The following AFG2A variants were observed in gnomAD, a reference collection of about 807,000 sequenced individuals.
AFG2A encodes AAA ATPase AFG2A.
chr4:123,147,879 G>A, the AFG2A span, among the ~76,000 whole-genome samples: 9 of 152,006 alleles, frequency 5.9e-5, no homozygotes, highest in East Asian at 7.7e-4. Flanking sequence ...CAGAAGAAAC[G>A]TAATACTTAG....
At chr4:123,188,265 G>T in the AFG2A span, among the ~76,000 whole-genome samples, 1 of 151,970 alleles carries the variant, frequency 6.6e-6, no homozygotes, top group Non-Finnish European at 1.5e-5. Flanking sequence ...ATTTATTGTA[G>T]TGATTTTTTC....
At chr4:123,139,263 T>C in the AFG2A span, among the ~76,000 whole-genome samples, 1 of 152,156 alleles carries the variant, frequency 6.6e-6, no homozygotes, top group Non-Finnish European at 1.5e-5. Flanking sequence ...ACTGTCTTGT[T>C]CTTAATGAAC....
the AFG2A span, among the ~76,000 whole-genome samples, chr4:123,289,767 C>A: frequency 6.7e-6 from 1 of 149,492 alleles, no homozygotes; most frequent in South Asian, 2.1e-4. Flanking sequence ...ATTTGGAGTT[C>A]TCTGATGAAT....
chr4:123,228,610 G>T, the AFG2A span, among the ~76,000 whole-genome samples: 1 of 151,932 alleles, frequency 6.6e-6, no homozygotes, highest in Non-Finnish European at 1.5e-5. Context: ...AAATTATGCT[G>T]ATTATTTTAA....
the AFG2A span, among the ~76,000 whole-genome samples, chr4:123,279,694 T>C: frequency 2.0e-5 from 3 of 152,264 alleles, no homozygotes; most frequent in Admixed American, 1.3e-4. Context: ...ACTAATCCAA[T>C]TTTTCAGTTC....
At chr4:123,040,444 G>C in the AFG2A span, among the ~76,000 whole-genome samples, 6 of 152,238 alleles carry the variant, frequency 3.9e-5, no homozygotes, top group South Asian at 1.0e-3. Flanking sequence ...TTTTTAAAGG[G>C]ATATTAACAA....
At chr4:122,932,527 C>A in the AFG2A span, among the ~76,000 whole-genome samples, 1 of 152,102 alleles carries the variant, frequency 6.6e-6, no homozygotes, top group East Asian at 1.9e-4. Context: ...GCTAAACTGT[C>A]CCCCCTCCAC....
At chr4:123,156,771 A>G in the AFG2A span, among the ~76,000 whole-genome samples, 7 of 151,120 alleles carry the variant, frequency 4.6e-5, no homozygotes, top group Admixed American at 2.6e-4. Context: ...AAAAAAAAAA[A>G]AAAAAGAAAA....
the AFG2A span, among the ~76,000 whole-genome samples, chr4:123,116,689 T>G: frequency 6.6e-6 from 1 of 152,224 alleles, no homozygotes; most frequent in Non-Finnish European, 1.5e-5. Flanking sequence ...TTTGTTTGAA[T>G]TACTAATAAG....
the AFG2A span, chr4:123,255,920 T>G: frequency 2.1e-6 from 3 of 1,399,232 alleles, no homozygotes; most frequent in Non-Finnish European, 2.9e-6. Flanking sequence ...AATAGTGGAT[T>G]GTTCGTGAAA....
the AFG2A span, among the ~76,000 whole-genome samples, chr4:123,180,978 C>CTTTTTTTTTTTT: frequency 3.4e-5 from 4 of 118,364 alleles, no homozygotes; most frequent in African/African-American, 3.0e-5. Context: ...TCCTCCCCCT[C>CTTTTTTTTTTTT]TTTTTTTTTT....
chr4:123,085,994 T>C, the AFG2A span, among the ~76,000 whole-genome samples: 1 of 152,138 alleles, frequency 6.6e-6, no homozygotes, highest in South Asian at 2.1e-4. Flanking sequence ...ATCCTTCTCA[T>C]GTCCCTTGTA....
At chr4:123,043,240 A>C in the AFG2A span, among the ~76,000 whole-genome samples, 1 of 152,214 alleles carries the variant, frequency 6.6e-6, no homozygotes, top group Non-Finnish European at 1.5e-5. Context: ...TTCTTTGCTT[A>C]CAGATATATA....
At chr4:123,200,925 A>C in the AFG2A span, among the ~76,000 whole-genome samples, 1 of 152,224 alleles carries the variant, frequency 6.6e-6, no homozygotes, top group Non-Finnish European at 1.5e-5. Context: ...CTACCTTCAA[A>C]GTAAAGCGTT....
the AFG2A span, among the ~76,000 whole-genome samples, chr4:123,002,333 T>C: frequency 6.6e-6 from 1 of 152,156 alleles, no homozygotes; most frequent in African/African-American, 2.4e-5. Context: ...ATGTGTGAAT[T>C]TGATCCTGTC....
the AFG2A span, among the ~76,000 whole-genome samples, chr4:123,085,561 AT>A: frequency 6.6e-6 from 1 of 151,542 alleles, no homozygotes; most frequent in Non-Finnish European, 1.5e-5. Flanking sequence ...GTCTCTCTTC[AT>A]TTTTTTTACT....
At chr4:123,274,200 T>G in the AFG2A span, among the ~76,000 whole-genome samples, 1 of 152,098 alleles carries the variant, frequency 6.6e-6, no homozygotes, top group Admixed American at 6.6e-5. Context: ...TTTCTATACA[T>G]AATGGCTTTG....
At chr4:123,132,597 C>CATATATATATATATATATATATAT in the AFG2A span, among the ~76,000 whole-genome samples, 98 of 140,358 alleles carry the variant, frequency 7.0e-4, no homozygotes, top group African/African-American at 2.5e-3. Context: ...GATGTGTGTA[C>CATATATATATATATATATATATAT]ATATATATAT....
chr4:122,978,732 T>G, the AFG2A span, among the ~76,000 whole-genome samples: 1 of 152,186 alleles, frequency 6.6e-6, no homozygotes, highest in Non-Finnish European at 1.5e-5. Flanking sequence ...ACATACTCAT[T>G]GGCACCCAAA....
Sources: gnomAD v4.1 joint callset for allele counts (sites outside exome capture counted in the v4.1 genomes callset) on GRCh38, gnomAD v4.1.1 for gene constraint, MANE v1.5 for transcripts, NCBI Gene and HGNC (gene_info 2026-07-23, HGNC 2026-07-21) for gene names.